LOC400499: variants seen among roughly 807,000 people sequenced by gnomAD.
At chr16:11,437,937 C>T in the LOC400499 span, among the ~76,000 whole-genome samples, 1 of 152,118 alleles carries the variant, frequency 6.6e-6, no homozygotes, top group Non-Finnish European at 1.5e-5. Flanking sequence ...CAGGGCAACC[C>T]ACCCCCACTC....
chr16:11,520,599 G>A, the LOC400499 span, among the ~76,000 whole-genome samples: 652 of 151,442 alleles, frequency 4.3e-3, 4 homozygotes, highest in Non-Finnish European at 7.2e-3. Context: ...CTGGGGAGGC[G>A]GAGATTGCAA....
the LOC400499 span, chr16:11,404,838 A>T: frequency 2.5e-6 from 1 of 399,018 alleles, no homozygotes; most frequent in Non-Finnish European, 4.4e-6. Flanking sequence ...TGCGGTCTGC[A>T]GGAACAGCTC....
At chr16:11,444,140 C>A in the LOC400499 span, among the ~76,000 whole-genome samples, 4 of 152,118 alleles carry the variant, frequency 2.6e-5, no homozygotes, top group African/African-American at 7.2e-5. Flanking sequence ...CACACCTGGC[C>A]CAATCCCAGC....
At chr16:11,454,645 T>C in the LOC400499 span, among the ~76,000 whole-genome samples, 1 of 152,250 alleles carries the variant, frequency 6.6e-6, no homozygotes, top group African/African-American at 2.4e-5. Context: ...ATGGCCCTGG[T>C]GGCTCCTTGA....
chr16:11,491,665 G>GCCCCCC, the LOC400499 span: 1 of 344,470 alleles, frequency 2.9e-6, no homozygotes, highest in East Asian at 4.1e-5. Context: ...CCCCACCCCT[G>GCCCCCC]CCCACACCCC....
chr16:11,489,837 G>T, the LOC400499 span, among the ~76,000 whole-genome samples: 4 of 152,300 alleles, frequency 2.6e-5, no homozygotes, highest in South Asian at 4.1e-4. Context: ...ACTTTTAAAT[G>T]TACACACCCT....
At chr16:11,374,550 G>C in the LOC400499 span, among the ~76,000 whole-genome samples, 1 of 152,208 alleles carries the variant, frequency 6.6e-6, no homozygotes, top group South Asian at 2.1e-4. Context: ...CTTATTACTC[G>C]AGGTCCTTCA....
chr16:11,399,209 C>T, the LOC400499 span: 2 of 985,360 alleles, frequency 2.0e-6, no homozygotes, highest in Non-Finnish European at 2.4e-6. Flanking sequence ...AGCCCCCTAG[C>T]ATCCCACCTT....
chr16:11,475,238 G>A, the LOC400499 span, among the ~76,000 whole-genome samples: 1 of 152,058 alleles, frequency 6.6e-6, no homozygotes, highest in African/African-American at 2.4e-5. Context: ...TAGATGACAG[G>A]TTGATGGGTG....
the LOC400499 span, among the ~76,000 whole-genome samples, chr16:11,377,713 T>G: frequency 6.6e-6 from 1 of 152,234 alleles, no homozygotes. Context: ...TTATTAGTAT[T>G]TTGTTGAGAA....
chr16:11,509,022 C>G, the LOC400499 span, among the ~76,000 whole-genome samples: 1 of 152,068 alleles, frequency 6.6e-6, no homozygotes, highest in African/African-American at 2.4e-5. Flanking sequence ...TCATTGCAAA[C>G]AGCCTAAGAT....
At chr16:11,399,622 T>C in the LOC400499 span, 1 of 398,636 alleles carries the variant, frequency 2.5e-6, no homozygotes, top group Non-Finnish European at 4.4e-6. Context: ...GAGAATAGGG[T>C]ACATGACCTG....
the LOC400499 span, among the ~76,000 whole-genome samples, chr16:11,420,636 A>G: frequency 7.5e-6 from 1 of 133,184 alleles, no homozygotes; most frequent in East Asian, 2.4e-4. Flanking sequence ...TTTCAGTGAA[A>G]TCTCCACCAC....
At chr16:11,380,680 G>C in the LOC400499 span, among the ~76,000 whole-genome samples, 3 of 149,524 alleles carry the variant, frequency 2.0e-5, no homozygotes, top group Non-Finnish European at 4.5e-5. Flanking sequence ...TGTCCAAGAG[G>C]GGAATAACTT....
the LOC400499 span, chr16:11,392,377 G>A: frequency 6.0e-5 from 24 of 398,848 alleles, no homozygotes; most frequent in Non-Finnish European, 8.0e-5. Flanking sequence ...GACTCTGGTT[G>A]GCAGCCTGCA....
At chr16:11,456,097 T>G in the LOC400499 span, among the ~76,000 whole-genome samples, 1 of 150,728 alleles carries the variant, frequency 6.6e-6, no homozygotes, top group African/African-American at 2.4e-5. Context: ...CAGGCTGGAG[T>G]GCAGTGGTGT....
the LOC400499 span, among the ~76,000 whole-genome samples, chr16:11,438,340 G>A: frequency 6.6e-6 from 1 of 152,182 alleles, no homozygotes; most frequent in African/African-American, 2.4e-5. Context: ...TGAAGATACA[G>A]ACTGACTTCA....
At chr16:11,476,492 T>G in the LOC400499 span, among the ~76,000 whole-genome samples, 2 of 151,608 alleles carry the variant, frequency 1.3e-5, no homozygotes, top group African/African-American at 4.9e-5. Flanking sequence ...ACACACTCAC[T>G]CCTCACTGCC....
the LOC400499 span, among the ~76,000 whole-genome samples, chr16:11,479,088 C>T: frequency 6.6e-6 from 1 of 152,014 alleles, no homozygotes; most frequent in African/African-American, 2.4e-5. Flanking sequence ...AGCAAGAAAA[C>T]GAACTAATAC....
Sources: allele counts gnomAD v4.1 joint callset (sites outside exome capture counted in the v4.1 genomes callset), GRCh38; gene constraint gnomAD v4.1.1; transcripts MANE v1.5.